The following CDKAL1 variants were observed in gnomAD, a reference collection of about 807,000 sequenced individuals.
CDKAL1 encodes threonylcarbamoyladenosine tRNA methylthiotransferase.
CDKAL1 carries 32 observed loss-of-function variants against 68.2 expected under a neutral mutation model. The observed-to-expected ratio is 0.47, with a 90% CI of 0.35 to 0.63. The LOEUF (loss-of-function observed/expected upper bound fraction) is 0.63. Ranked by LOEUF, CDKAL1 falls within the 30% of genes least tolerant of loss-of-function variation. CDKAL1 has a pLI of 0.00. For missense variants in CDKAL1, 606 were observed against 696.7 expected (o/e 0.87, Z 1.47); for synonymous variants, 234 against 244.3 (o/e 0.96, Z 0.39).
At chr6:20,969,241 TAAAC>T (rs1765474274) in intron 10 of CDKAL1, among the ~76,000 whole-genome samples, 1 of 152,204 alleles carries the variant, frequency 6.6e-6, no homozygotes, top group Non-Finnish European at 1.5e-5. Flanking sequence ...ACCATTAACA[TAAAC>T]AATCAATTAA....
intron 11 of CDKAL1, among the ~76,000 whole-genome samples, chr6:21,033,998 G>A (rs1054995178): frequency 6.6e-6 from 1 of 152,150 alleles, no homozygotes; most frequent in Non-Finnish European, 1.5e-5. Context: ...AGCAGCAGCA[G>A]CTGTGTTCTG....
intron 9 of CDKAL1, among the ~76,000 whole-genome samples, chr6:20,879,732 C>A (rs928328148): frequency 2.6e-5 from 4 of 152,162 alleles, no homozygotes; most frequent in African/African-American, 9.7e-5. Context: ...AAAAATTATC[C>A]CTGATTCCCA....
At chr6:20,953,930 G>T (rs753444601) in intron 9 of CDKAL1, among the ~76,000 whole-genome samples, 11 of 152,036 alleles carry the variant, frequency 7.2e-5, no homozygotes, top group Non-Finnish European at 1.2e-4. Context: ...TTTTTAAAAA[G>T]CTTTTTAAGT....
At chr6:20,630,200 T>C (rs1303148612) in intron 4 of CDKAL1, among the ~76,000 whole-genome samples, 1 of 152,182 alleles carries the variant, frequency 6.6e-6, no homozygotes, top group Admixed American at 6.5e-5. Context: ...TATGCCAAAC[T>C]GCCCCTCTTT....
At chr6:20,897,595 A>G (rs1167270415) in intron 9 of CDKAL1, among the ~76,000 whole-genome samples, 2 of 152,114 alleles carry the variant, frequency 1.3e-5, no homozygotes, top group African/African-American at 2.4e-5. Context: ...TTTTCCACCA[A>G]TCTTCAGTTA....
At chr6:21,115,462 G>T (rs1164801591) in intron 13 of CDKAL1, among the ~76,000 whole-genome samples, 1 of 152,210 alleles carries the variant, frequency 6.6e-6, no homozygotes, top group Non-Finnish European at 1.5e-5. Context: ...TGATAGCCAG[G>T]TTTTCATGGC....
At chr6:20,892,188 A>G (rs1352605912) in intron 9 of CDKAL1, among the ~76,000 whole-genome samples, 1 of 152,202 alleles carries the variant, frequency 6.6e-6, no homozygotes, top group South Asian at 2.1e-4. Context: ...GAAACTCTTT[A>G]CTGGACCAAA....
rs552701052 is a variant in CDKAL1, at chr6:21,086,125, TG to T, written c.1236+20900del. ...TCATTTAATCTTCATGCCAACCCTG[TG>T]GGTAATGATTGTTTTTATCCCCACT... On this transcript the variant is annotated intron_variant, in intron 12 of 15. Transcript: ENST00000274695. Among the ~76,000 whole-genome samples, 362 of 152,302 alleles carry T rather than the reference TG, an allele frequency of 2.4e-3. 2 individuals carry two copies. Among genetic ancestry groups the T allele is most frequent in the African/African-American group, 8.0e-3 (334 of 41,572 alleles).
intron 13 of CDKAL1, among the ~76,000 whole-genome samples, chr6:21,123,490 G>T (rs1774831781): frequency 6.6e-6 from 1 of 152,082 alleles, no homozygotes; most frequent in Non-Finnish European, 1.5e-5. Context: ...GGAAAACTCT[G>T]AAGGTCTTTG....
rs545013381 is a variant in CDKAL1, at chr6:21,080,926, G to C, written c.1236+15698G>C. ...TAAGCCATTTCTAGAAAAAATCAGG[G>C]ATGACTGTACTTGGGAACATATAAT... is the stretch of plus-strand genomic sequence containing the variant. On this transcript the variant is annotated intron_variant, in intron 12 of 15. Coordinates refer to ENST00000274695, the MANE Select transcript of CDKAL1 (RefSeq NM_017774.3). 8.1e-4 allele frequency among the ~76,000 whole-genome samples: 123 copies of C among 152,256 alleles called. 1 individual carries two copies. The highest frequency in any genetic ancestry group is 6.8e-3 in the Middle Eastern group (2 of 294).
chr6:20,809,410 T>C (rs1230112949), intron 8 of CDKAL1, among the ~76,000 whole-genome samples: 1 of 152,200 alleles, frequency 6.6e-6, no homozygotes, highest in African/African-American at 2.4e-5. Flanking sequence ...AACAAGCTGA[T>C]TAGGTATCAC....
chr6:20,637,629 A>G (rs1767967687), intron 4 of CDKAL1, among the ~76,000 whole-genome samples: 1 of 152,184 alleles, frequency 6.6e-6, no homozygotes, highest in Non-Finnish European at 1.5e-5. Context: ...AGTTTTTATG[A>G]TTGCCTTTTA....
At chr6:20,922,230 C>T (rs1056476168) in intron 9 of CDKAL1, among the ~76,000 whole-genome samples, 1 of 152,204 alleles carries the variant, frequency 6.6e-6, no homozygotes, top group African/African-American at 2.4e-5. Context: ...AGAGGGTCTA[C>T]TGCACTTCCA....
intron 5 of CDKAL1, among the ~76,000 whole-genome samples, chr6:20,654,919 G>A (rs1353924109): frequency 6.6e-6 from 1 of 152,120 alleles, no homozygotes; most frequent in Non-Finnish European, 1.5e-5. Flanking sequence ...CTTTAAGAGT[G>A]TATCTGTTTT....
At chr6:21,224,478 T>A (rs561904762) in intron 15 of CDKAL1, among the ~76,000 whole-genome samples, 1 of 152,222 alleles carries the variant, frequency 6.6e-6, no homozygotes, top group East Asian at 1.9e-4. Context: ...TGCGCCACTG[T>A]ACTCCAGCCT....
chr6:20,983,535 A>T (rs568785214), intron 10 of CDKAL1, among the ~76,000 whole-genome samples: 36 of 152,332 alleles, frequency 2.4e-4, no homozygotes, highest in Non-Finnish European at 3.7e-4. Context: ...AGCCTGGCCA[A>T]CATGGTGAAA....
chr6:20,608,528 G>T (rs1766435517), intron 4 of CDKAL1, among the ~76,000 whole-genome samples: 1 of 152,142 alleles, frequency 6.6e-6, no homozygotes, highest in South Asian at 2.1e-4. Flanking sequence ...GTCATGAGTT[G>T]TATTCAGTAC....
chr6:20,835,418 A>G (rs1454690319), intron 8 of CDKAL1, among the ~76,000 whole-genome samples: 1 of 152,216 alleles, frequency 6.6e-6, no homozygotes, highest in Non-Finnish European at 1.5e-5. Context: ...AGGTAGGTGC[A>G]GACATGAAAT....
At chr6:20,920,500 C>A (rs912234822) in intron 9 of CDKAL1, among the ~76,000 whole-genome samples, 1 of 152,124 alleles carries the variant, frequency 6.6e-6, no homozygotes, top group South Asian at 2.1e-4. Flanking sequence ...TATTGCAATA[C>A]TATTCTTTGA....
Sources: gnomAD v4.1 joint callset for allele counts (sites outside exome capture counted in the v4.1 genomes callset) on GRCh38, gnomAD v4.1.1 for gene constraint, MANE v1.5 for transcripts, NCBI Gene and HGNC (gene_info 2026-07-23, HGNC 2026-07-21) for gene names.